Variants in SORBS2 observed in about 807,000 individuals in gnomAD.
The protein encoded by SORBS2 is sorbin and SH3 domain-containing protein 2.
SORBS2 carries 46 observed loss-of-function variants against 97.7 expected under a neutral mutation model. That is an observed-to-expected ratio of 0.47 (90% CI 0.37 to 0.60). The LOEUF (loss-of-function observed/expected upper bound fraction) is 0.60, where lower values mean the gene tolerates loss of function less well. Among genes scored for constraint, SORBS2 ranks in the 20% least tolerant of loss-of-function variants. The pLI is 0.00. For synonymous variants in SORBS2, 476 were observed against 473.4 expected (o/e 1.01, Z -0.07); for missense variants, 1,316 against 1,282.3 (o/e 1.03, Z -0.40).
chr4:185,685,555 G>A (rs1307757179), intron 2 of SORBS2, among the ~76,000 whole-genome samples: 2 of 152,048 alleles, frequency 1.3e-5, no homozygotes, highest in African/African-American at 2.4e-5. Context: ...TTTTAGGGCC[G>A]GAGTCTTGCT....
rs547005699 is a variant in SORBS2, at chr4:185,875,660, C to T, written c.-338+80536G>A. Among the ~76,000 whole-genome samples the T allele has an allele frequency of 3.9e-5, 6 of 152,382 alleles. No individual in the cohort carries two copies. In the South Asian group the frequency reaches 1.0e-3, roughly 26 times the overall value. On this transcript the variant is annotated intron_variant, in intron 1 of 20. Transcript: ENST00000284776. ...ATAAATATGAAAGTCTCCCTCCTGGCCCTGGCTTGCAGCCCTCTGCTCCCT... is the reference window on the plus strand; with the variant it reads ...ATAAATATGAAAGTCTCCCTCCTGGTCCTGGCTTGCAGCCCTCTGCTCCCT...
chr4:185,669,165 C>T (rs2153483630), intron 4 of SORBS2, among the ~76,000 whole-genome samples: 1 of 152,248 alleles, frequency 6.6e-6, no homozygotes, highest in South Asian at 2.1e-4. Flanking sequence ...TGAGCTTCAG[C>T]AGTGGAAAAA....
At chr4:185,842,330 G>A (rs1175987656) in intron 1 of SORBS2, among the ~76,000 whole-genome samples, 1 of 152,210 alleles carries the variant, frequency 6.6e-6, no homozygotes, top group East Asian at 1.9e-4. Flanking sequence ...TCAAGAAAGA[G>A]ACTGGAGGTC....
rs531231610 is a variant in SORBS2, at chr4:185,676,272, C to T, written c.-46+2151G>A. ...ATGTCTCATCACATAGTAAATGATGCCTGGATTAAAATCTACAGCTTATCC... is the reference window on the plus strand; with the variant it reads ...ATGTCTCATCACATAGTAAATGATGTCTGGATTAAAATCTACAGCTTATCC... On this transcript the variant is annotated intron_variant, in intron 4 of 20. Coordinates refer to the SORBS2 transcript ENST00000284776. Among the ~76,000 whole-genome samples the T allele has an allele frequency of 6.6e-5, 10 of 152,296 alleles. No homozygotes were observed. The South Asian group carries it at 1.7e-3, about 25-fold the overall frequency.
intron 1 of SORBS2, among the ~76,000 whole-genome samples, chr4:185,896,967 G>A (rs2099245360): frequency 6.6e-6 from 1 of 151,740 alleles, no homozygotes; most frequent in South Asian, 2.1e-4. Context: ...GTATTACTGA[G>A]CTACTGGAAA....
At chr4:185,604,920 C>T (rs983810181) in intron 12 of SORBS2, among the ~76,000 whole-genome samples, 4 of 152,090 alleles carry the variant, frequency 2.6e-5, no homozygotes, top group Non-Finnish European at 5.9e-5. Context: ...GAAGCCGTGG[C>T]CCCGCGTGCA....
Position 185,928,752 on chromosome 4 carries a change from T to C in SORBS2, c.-338+27444A>G, listed in dbSNP as rs529430446. The stretch of plus-strand genomic sequence containing the variant: ...TAGTAGAGACGGGGTTTCACCGTGT[T>C]AGCCAGGATGGTCTTGATCTCCTGA... On this transcript the variant is annotated intron_variant, in intron 1 of 20. Coordinates refer to the SORBS2 transcript ENST00000284776. Among the ~76,000 whole-genome samples, 13 of 152,280 alleles carry C rather than the reference T, an allele frequency of 8.5e-5. 1 individual carries two copies. The South Asian group carries it at 2.3e-3, about 27-fold the overall frequency.
At chr4:185,920,241 C>A (rs1006472864) in intron 1 of SORBS2, among the ~76,000 whole-genome samples, 10 of 152,112 alleles carry the variant, frequency 6.6e-5, no homozygotes, top group Non-Finnish European at 2.9e-5. Flanking sequence ...CAACCAGTTC[C>A]CACCATCTCT....
intron 1 of SORBS2, among the ~76,000 whole-genome samples, chr4:185,835,223 T>G (rs2099207362): frequency 6.6e-6 from 1 of 152,194 alleles, no homozygotes; most frequent in African/African-American, 2.4e-5. Flanking sequence ...CCTCTTTTCT[T>G]GATAAATTAC....
intron 3 of SORBS2, among the ~76,000 whole-genome samples, chr4:185,648,198 G>A (rs1427082017): frequency 6.6e-6 from 1 of 151,970 alleles, no homozygotes; most frequent in Non-Finnish European, 1.5e-5. Context: ...CTGGCCTCAG[G>A]CAATCCACAC....
chr4:185,868,147 C>CTTTTTTCTTTTTTTT (rs1554043746), intron 1 of SORBS2, among the ~76,000 whole-genome samples: 2 of 89,764 alleles, frequency 2.2e-5, no homozygotes, highest in African/African-American at 4.8e-5. Context: ...CTTTTCTTTT[C>CTTTTTTCTTTTTTTT]TTTTTTTCTT....
chr4:185,884,567 G>A (rs1387216283), intron 1 of SORBS2, among the ~76,000 whole-genome samples: 1 of 152,234 alleles, frequency 6.6e-6, no homozygotes, highest in Non-Finnish European at 1.5e-5. Flanking sequence ...GGGCCCAGCA[G>A]AGCTGAGTAG....
At chr4:185,941,122 A>C (rs1038440330) in intron 1 of SORBS2, among the ~76,000 whole-genome samples, 5 of 152,192 alleles carry the variant, frequency 3.3e-5, no homozygotes, top group African/African-American at 9.7e-5. Flanking sequence ...GCATCATCAT[A>C]ATAATAATTA....
intron 2 of SORBS2, among the ~76,000 whole-genome samples, chr4:185,725,696 TC>T (rs1358711192): frequency 6.6e-6 from 1 of 152,210 alleles, no homozygotes; most frequent in Non-Finnish European, 1.5e-5. Context: ...GTCATTTCTG[TC>T]GTTTTAATTT....
intron 1 of SORBS2, among the ~76,000 whole-genome samples, chr4:185,815,947 G>A (rs1215031019): frequency 6.6e-6 from 1 of 152,238 alleles, no homozygotes; most frequent in Non-Finnish European, 1.5e-5. Flanking sequence ...TAGACACAGA[G>A]TTAAGGTTAA....
intron 5 of SORBS2, 72 bp downstream of exon 8, chr4:185,662,032 C>T (rs1280969470): frequency 9.6e-6 from 15 of 1,555,102 alleles, no homozygotes; most frequent in Admixed American, 1.7e-5. Flanking sequence ...CTTGATGCCG[C>T]ATATCTTTCT....
At chr4:185,849,666 G>T (rs887038444) in intron 1 of SORBS2, among the ~76,000 whole-genome samples, 1 of 152,084 alleles carries the variant, frequency 6.6e-6, no homozygotes, top group Admixed American at 6.5e-5. Flanking sequence ...AGCCCAGCAG[G>T]CCACACTCTC....
chr4:185,743,137 A>G (rs533191195), intron 2 of SORBS2, among the ~76,000 whole-genome samples: 2 of 152,340 alleles, frequency 1.3e-5, no homozygotes, highest in South Asian at 4.1e-4. Context: ...CTACTCTATT[A>G]GACACATTGT....
At chr4:185,905,233 T>C (rs1431209640) in intron 1 of SORBS2, among the ~76,000 whole-genome samples, 3 of 152,150 alleles carry the variant, frequency 2.0e-5, no homozygotes, top group Non-Finnish European at 2.9e-5. Flanking sequence ...AAACACAGGG[T>C]TCATCAAATA....
Sources: allele counts gnomAD v4.1 joint callset (sites outside exome capture counted in the v4.1 genomes callset), GRCh38; gene constraint gnomAD v4.1.1; transcripts MANE v1.5; gene names NCBI Gene and HGNC (gene_info 2026-07-23, HGNC 2026-07-21).